The following ST6GALNAC3 variants were observed in gnomAD, a reference collection of about 807,000 sequenced individuals.
ST6GALNAC3 encodes the protein ST6 N-acetylgalactosaminide alpha-2,6-sialyltransferase 3.
Under a neutral mutation model 32.7 loss-of-function variants are expected in ST6GALNAC3, and 25 were observed. The ratio of observed to expected loss-of-function variants is 0.76; its 90% CI spans 0.56 to 1.07. The LOEUF is 1.07. ST6GALNAC3 is among the 50% of genes least tolerant of loss of function. The pLI, the probability that ST6GALNAC3 is intolerant of heterozygous loss-of-function variation, is 0.00. For missense variants in ST6GALNAC3, 355 were observed against 382.4 expected (o/e 0.93, Z 0.60); for synonymous variants, 129 against 133.1 (o/e 0.97, Z 0.21).
At chr1:76,414,803 T>C (rs1030280600) in intron 3 of ST6GALNAC3, among the ~76,000 whole-genome samples, 3 of 152,120 alleles carry the variant, frequency 2.0e-5, no homozygotes, top group Non-Finnish European at 4.4e-5. Context: ...ATAAAAAGTC[T>C]TAAAATCAAT....
intron 3 of ST6GALNAC3, among the ~76,000 whole-genome samples, chr1:76,561,539 A>G (rs1450673289): frequency 6.6e-6 from 1 of 152,158 alleles, no homozygotes; most frequent in Non-Finnish European, 1.5e-5. Context: ...ACACCATTAG[A>G]AATCTGAAAA....
chr1:76,282,610 C>A (rs1659558772), intron 1 of ST6GALNAC3, among the ~76,000 whole-genome samples: 1 of 152,118 alleles, frequency 6.6e-6, no homozygotes, highest in African/African-American at 2.4e-5. Context: ...TCTCAGGGAT[C>A]AGCTTTATTG....
At chr1:76,553,518 T>G (rs888311390) in intron 3 of ST6GALNAC3, among the ~76,000 whole-genome samples, 5 of 152,154 alleles carry the variant, frequency 3.3e-5, no homozygotes, top group African/African-American at 4.8e-5. Flanking sequence ...TCCAAAATTA[T>G]TTTCAAAACG....
At chr1:76,303,005 G>A (rs1441797094) in intron 1 of ST6GALNAC3, among the ~76,000 whole-genome samples, 1 of 147,930 alleles carries the variant, frequency 6.8e-6, no homozygotes, top group Admixed American at 6.8e-5. Flanking sequence ...TAAATGAAGT[G>A]GTGTTCACCT....
At chr1:76,557,220 A>C (rs1412408859) in intron 3 of ST6GALNAC3, among the ~76,000 whole-genome samples, 1 of 152,026 alleles carries the variant, frequency 6.6e-6, no homozygotes, top group Non-Finnish European at 1.5e-5. Context: ...TCTTAAGTTT[A>C]TTCCATTGAT....
intron 1 of ST6GALNAC3, among the ~76,000 whole-genome samples, chr1:76,158,359 C>G (rs559460313): frequency 6.6e-6 from 1 of 152,220 alleles, no homozygotes; most frequent in Admixed American, 6.5e-5. Flanking sequence ...CTGAGTCAGG[C>G]CAATTAACTT....
Position 76,263,672 on chromosome 1 carries a change from A to G in ST6GALNAC3, c.19-50133A>G, listed in dbSNP as rs559809053. ...TTTGGTTTCTCAGCTCCACTGTCTC[A>G]TTCTTTTGGAGACTTCTGGGTAAAC... On this transcript the variant is annotated intron_variant, in intron 1 of 4. Coordinates refer to ENST00000328299, the MANE Select transcript of ST6GALNAC3 (RefSeq NM_152996.4). Among the ~76,000 whole-genome samples the G allele has an allele frequency of 9.8e-5, 15 of 152,332 alleles. No individual in the cohort carries two copies. The East Asian group carries it at 1.2e-3, about 12-fold the overall frequency.
intron 1 of ST6GALNAC3, among the ~76,000 whole-genome samples, chr1:76,187,189 A>T (rs1350832766): frequency 6.6e-6 from 1 of 152,208 alleles, no homozygotes; most frequent in Non-Finnish European, 1.5e-5. Context: ...CATTGAAATA[A>T]ATTACTGCCT....
chr1:76,395,200 G>T (rs1652857378), intron 2 of ST6GALNAC3, among the ~76,000 whole-genome samples: 1 of 96,622 alleles, frequency 1.0e-5, no homozygotes, highest in African/African-American at 3.1e-5. Flanking sequence ...CAGCATACCA[G>T]ACCTAACCAG....
intron 2 of ST6GALNAC3, among the ~76,000 whole-genome samples, chr1:76,326,719 G>A (rs899398361): frequency 6.6e-6 from 1 of 151,236 alleles, no homozygotes; most frequent in Admixed American, 6.6e-5. Flanking sequence ...CTCTTAAAAT[G>A]ATATGTGTAA....
chr1:76,095,287 A>G (rs898704270), intron 1 of ST6GALNAC3, among the ~76,000 whole-genome samples: 1 of 152,148 alleles, frequency 6.6e-6, no homozygotes, highest in Non-Finnish European at 1.5e-5. Flanking sequence ...ATAACATTAT[A>G]CTTTGTTATA....
At chr1:76,554,726 G>A (rs903889124) in intron 3 of ST6GALNAC3, among the ~76,000 whole-genome samples, 1 of 152,130 alleles carries the variant, frequency 6.6e-6, no homozygotes, top group Admixed American at 6.6e-5. Context: ...ATGAAGAGCT[G>A]CTTCAATGCA....
intron 1 of ST6GALNAC3, among the ~76,000 whole-genome samples, chr1:76,223,249 A>C (rs1401032881): frequency 6.6e-6 from 1 of 152,172 alleles, no homozygotes; most frequent in Non-Finnish European, 1.5e-5. Context: ...AGCAACATGG[A>C]TGGATCTGTA....
At chr1:76,488,524 A>G (rs940562595) in intron 3 of ST6GALNAC3, among the ~76,000 whole-genome samples, 3 of 152,158 alleles carry the variant, frequency 2.0e-5, no homozygotes, top group African/African-American at 7.2e-5. Context: ...CAACATGAAA[A>G]CCAGGGTAAG....
chr1:76,151,764 A>G (rs1651057589), intron 1 of ST6GALNAC3, among the ~76,000 whole-genome samples: 2 of 152,186 alleles, frequency 1.3e-5, no homozygotes, highest in Non-Finnish European at 2.9e-5. Flanking sequence ...GGCTGAGGGA[A>G]AACGGGTGGG....
intron 1 of ST6GALNAC3, among the ~76,000 whole-genome samples, chr1:76,238,654 C>G (rs1333024782): frequency 1.3e-5 from 2 of 151,870 alleles, no homozygotes; most frequent in African/African-American, 4.8e-5. Context: ...GGGGAAGGAA[C>G]CAGCTTTGGA....
intron 2 of ST6GALNAC3, among the ~76,000 whole-genome samples, chr1:76,408,013 G>A (rs539106766): frequency 3.3e-5 from 5 of 152,102 alleles, no homozygotes; most frequent in African/African-American, 1.2e-4. Context: ...GCAGATTTTG[G>A]GTCAAATTGT....
At chr1:76,306,947 A>T (rs1661097171) in intron 1 of ST6GALNAC3, among the ~76,000 whole-genome samples, 1 of 152,076 alleles carries the variant, frequency 6.6e-6, no homozygotes, top group South Asian at 2.1e-4. Context: ...AGTTTGTTTC[A>T]TTTTGTAAAA....
intron 1 of ST6GALNAC3, among the ~76,000 whole-genome samples, chr1:76,098,600 C>A (rs1398524698): frequency 7.2e-6 from 1 of 139,632 alleles, no homozygotes; most frequent in Non-Finnish European, 1.6e-5. Flanking sequence ...TTAGTCTTTT[C>A]CCCATTTAAA....
Sources: gnomAD v4.1 joint callset for allele counts (sites outside exome capture counted in the v4.1 genomes callset) on GRCh38, gnomAD v4.1.1 for gene constraint, MANE v1.5 for transcripts, NCBI Gene and HGNC (gene_info 2026-07-23, HGNC 2026-07-21) for gene names.